Variants in MTMR12 observed in about 807,000 individuals in gnomAD.
MTMR12 encodes myotubularin-related protein 12.
MTMR12 carries 33 observed loss-of-function variants against 96.7 expected under a neutral mutation model. That is an observed-to-expected ratio of 0.34 (90% CI 0.26 to 0.46). MTMR12 has a LOEUF of 0.46. Among genes scored for constraint, MTMR12 ranks in the 20% least tolerant of loss-of-function variants. The pLI, the probability that MTMR12 is intolerant of heterozygous loss-of-function variation, is 1.00. For missense variants in MTMR12, 721 were observed against 896.1 expected, an observed-to-expected ratio of 0.80 and a Z score of 2.49; for synonymous variants, 298 against 327.2, an observed-to-expected ratio of 0.91 and a Z score of 0.96.
At chr5:32,243,494 C>T (rs772729889) in intron 11 of MTMR12, 27 bp downstream of exon 11, 50 of 1,537,828 alleles carry the variant, frequency 3.3e-5, no homozygotes, top group Admixed American at 2.7e-4. Flanking sequence ...TTACAAAATT[C>T]ATGAGTAAAA....
intron 10 of MTMR12, among the ~76,000 whole-genome samples, chr5:32,247,549 G>T (rs1375266687): frequency 6.6e-6 from 1 of 152,150 alleles, no homozygotes; most frequent in African/African-American, 2.4e-5. Context: ...ATTTCTGGTA[G>T]AACTTTTAAT....
At chr5:32,258,902 C>CAAAA (rs5867141) in intron 7 of MTMR12, among the ~76,000 whole-genome samples, 2 of 90,556 alleles carry the variant, frequency 2.2e-5, no homozygotes, top group Non-Finnish European at 2.3e-5. Context: ...TGGTCTTTCA[C>CAAAA]AAAAAAAAAA....
intron 13 of MTMR12, among the ~76,000 whole-genome samples, chr5:32,236,502 G>A (rs1748235814): frequency 2.0e-5 from 3 of 152,144 alleles, no homozygotes; most frequent in Admixed American, 2.0e-4. Flanking sequence ...AGCCATGACT[G>A]TGCAACTGTA....
At chr5:32,248,271 T>A in intron 9 of MTMR12, 145 bp from the exon 10 acceptor site, 1 of 909,386 alleles carries the variant, frequency 1.1e-6, no homozygotes, top group Non-Finnish European at 1.6e-6. Context: ...GCAGGACTCC[T>A]GTTCCCAGTC....
At chr5:32,259,028 T>C (rs1047443860) in intron 7 of MTMR12, among the ~76,000 whole-genome samples, 1 of 151,960 alleles carries the variant, frequency 6.6e-6, no homozygotes, top group African/African-American at 2.4e-5. Flanking sequence ...GAGGGTGTCC[T>C]CTCCTGACCA....
At position 32,227,196 on chromosome 5, in the gene MTMR12, G is replaced by A. The variant is rs1747770124; in HGVS notation, c.*2582C>T. The A allele has an allele frequency of 6.6e-6, 1 of 152,612 alleles. No homozygotes were observed. Among genetic ancestry groups the A allele is most frequent in the Non-Finnish European group, 1.5e-5 (1 of 68,040 alleles). The allele number at this position is 152,612 out of a possible 1,614,324, so 9.5% of individuals were successfully genotyped here. On this transcript the variant is annotated 3_prime_UTR_variant, in exon 16 of 16. Coordinates refer to ENST00000382142, the MANE Select transcript of MTMR12 (RefSeq NM_001040446.3). ...TTATCTTCAGTGTAAAAACTTGGAG[G>A]TATAAACAAACTCAAGATATTATAT...
intron 8 of MTMR12, among the ~76,000 whole-genome samples, chr5:32,254,566 G>A (rs1749067453): frequency 6.6e-6 from 1 of 152,218 alleles, no homozygotes; most frequent in African/African-American, 2.4e-5. Flanking sequence ...ATAAAGATCT[G>A]TATCTAGGCC....
At chr5:32,242,623 G>A (rs1209365273) in intron 11 of MTMR12, among the ~76,000 whole-genome samples, 2 of 151,578 alleles carry the variant, frequency 1.3e-5, no homozygotes, top group East Asian at 1.9e-4. Flanking sequence ...GTATAACTGG[G>A]GGCCTTCACA....
chr5:32,252,087 T>C (rs186017715), intron 8 of MTMR12, among the ~76,000 whole-genome samples: 5 of 152,162 alleles, frequency 3.3e-5, no homozygotes, highest in Admixed American at 3.3e-4. Context: ...GAATAATCCA[T>C]AACAATATTC....
At chr5:32,298,114 G>T (rs183136357) in intron 1 of MTMR12, among the ~76,000 whole-genome samples, 67 of 152,320 alleles carry the variant, frequency 4.4e-4, no homozygotes, top group South Asian at 6.2e-4. Flanking sequence ...ATGACAACAT[G>T]AAGGCCGCGT....
chr5:32,307,765 G>A (rs1751414410), intron 1 of MTMR12, among the ~76,000 whole-genome samples: 3 of 152,120 alleles, frequency 2.0e-5, no homozygotes, highest in African/African-American at 7.2e-5. Context: ...TAAGCTCACC[G>A]TGTTTAAAAG....
At chr5:32,290,243 G>A (rs1022021508) in intron 1 of MTMR12, among the ~76,000 whole-genome samples, 2 of 152,202 alleles carry the variant, frequency 1.3e-5, no homozygotes, top group Admixed American at 6.5e-5. Context: ...CTCTGGCTTT[G>A]TGTCATAATC....
chr5:32,231,198 T>A (rs534885020), intron 15 of MTMR12, among the ~76,000 whole-genome samples: 25 of 151,902 alleles, frequency 1.6e-4, no homozygotes, highest in South Asian at 1.0e-3. Flanking sequence ...AAGACCAACC[T>A]CAACCTGGCC....
chr5:32,290,929 T>C (rs986557955), intron 1 of MTMR12, among the ~76,000 whole-genome samples: 1 of 152,232 alleles, frequency 6.6e-6, no homozygotes, highest in African/African-American at 2.4e-5. Flanking sequence ...CCATGCGACC[T>C]GAACTGCCCA....
rs752327449 is a variant in MTMR12, at chr5:32,233,473, A to AACACAC, written c.1674+294_1674+299dup. ...CTCTACTAACACACACACACACACA[A>AACACAC]ACACACACACACACACACACACACA... is the stretch of plus-strand genomic sequence containing the variant. On this transcript the variant is annotated intron_variant, in intron 15 of 15. Coordinates refer to ENST00000382142, the MANE Select transcript of MTMR12 (RefSeq NM_001040446.3). This position sits in a 1 kb window ranked among gnomAD's most constrained non-coding sequence, Gnocchi z 5.0. Among the ~76,000 whole-genome samples the AACACAC allele has an allele frequency of 3.3e-5, 2 of 59,934 alleles. No homozygotes were observed. The highest frequency in any genetic ancestry group is 7.4e-4 in the East Asian group (1 of 1,358). 39.3% of individuals were successfully genotyped at this position (59,934 alleles called of 152,430 possible). A position where few individuals can be genotyped will look rare whatever the true frequency, so the allele number is the denominator to read the frequency against.
intron 1 of MTMR12, among the ~76,000 whole-genome samples, chr5:32,305,409 A>C (rs1302073674): frequency 1.3e-5 from 2 of 152,186 alleles, no homozygotes; most frequent in Admixed American, 6.5e-5. Context: ...TAAAAAAAGA[A>C]GGCAAAGGAT....
chr5:32,301,527 T>C (rs1301221002), intron 1 of MTMR12, among the ~76,000 whole-genome samples: 1 of 152,216 alleles, frequency 6.6e-6, no homozygotes, highest in Non-Finnish European at 1.5e-5. Flanking sequence ...ATTTTATGTT[T>C]GGAGGAACAT....
At chr5:32,311,671 C>T (rs1162549209) in intron 1 of MTMR12, among the ~76,000 whole-genome samples, 1 of 152,230 alleles carries the variant, frequency 6.6e-6, no homozygotes, top group African/African-American at 2.4e-5. Flanking sequence ...AAGCCCTGAG[C>T]AAGGCCTACA....
chr5:32,238,475 C>G (rs559609331), intron 13 of MTMR12, among the ~76,000 whole-genome samples: 5 of 152,264 alleles, frequency 3.3e-5, no homozygotes, highest in African/African-American at 1.2e-4. Context: ...AGGTGCAAAC[C>G]ACCATGCCAG....
Sources: allele counts gnomAD v4.1 joint callset (sites outside exome capture counted in the v4.1 genomes callset), GRCh38; gene constraint gnomAD v4.1.1; non-coding constraint Gnocchi (gnomAD v3.1); transcripts MANE v1.5; gene names NCBI Gene and HGNC (gene_info 2026-07-23, HGNC 2026-07-21).